The following CCDC144A variants were observed in gnomAD, a reference collection of about 807,000 sequenced individuals.
The protein encoded by CCDC144A is coiled-coil domain containing 144A, also known as coiled-coil domain-containing protein 144A.
Under a neutral mutation model 143.8 loss-of-function variants are expected in CCDC144A, and 41 were observed. The observed-to-expected ratio is 0.29, with a 90% CI of 0.22 to 0.37. The LOEUF is 0.37. CCDC144A is among the 10% of genes least tolerant of loss of function. The pLI is 1.00. For synonymous variants in CCDC144A, 242 were observed against 517.9 expected, an observed-to-expected ratio of 0.47 and a Z score of 7.23; for missense variants, 637 against 1,488.8, an observed-to-expected ratio of 0.43 and a Z score of 9.41.
At chr17:16,739,891 G>C (rs1250059720) in intron 12 of CCDC144A, among the ~76,000 whole-genome samples, 1 of 150,606 alleles carries the variant, frequency 6.6e-6, no homozygotes, top group Non-Finnish European at 1.5e-5. Context: ...TTCACTTTTT[G>C]CTTCTTGAAG....
intron 8 of CCDC144A, among the ~76,000 whole-genome samples, chr17:16,724,564 G>C (rs930019861): frequency 6.6e-6 from 1 of 150,432 alleles, no homozygotes; most frequent in African/African-American, 2.4e-5. Context: ...TGGTCTGTTT[G>C]GTAAGTGCTC....
chr17:16,704,123 T>G (rs1195548944), intron 2 of CCDC144A, among the ~76,000 whole-genome samples: 1 of 152,186 alleles, frequency 6.6e-6, no homozygotes, highest in Non-Finnish European at 1.5e-5. Flanking sequence ...GTTTCACTTA[T>G]GTGTTTTTGG....
In CCDC144A at chr17:16,761,280, GCCGAGAT is replaced by G. The variant is rs914162668; in HGVS notation, c.3373-142_3373-136del. 1.3e-5 allele frequency: 17 copies of G among 1,343,596 alleles called. No homozygotes were observed. The African/African-American group carries it at 2.0e-4, about 16-fold the overall frequency. The allele number at this position is 1,343,596 out of a possible 1,614,324, so 83.2% of individuals were successfully genotyped here. The stretch of plus-strand genomic sequence containing the variant: ...ACCCGGGAGGCAGAGCTTGTAGTGA[GCCGAGAT>G]CCTGTCACTGTACTCCGGCCTGGGC... On this transcript the variant is annotated intron_variant, in intron 12 of 16. Transcript: ENST00000399273.
At chr17:16,718,854 CAG>C in intron 6 of CCDC144A, among the ~76,000 whole-genome samples, 2 of 106,452 alleles carry the variant, frequency 1.9e-5, no homozygotes, top group South Asian at 7.2e-4. Flanking sequence ...TTTTTTGAGA[CAG>C]AGTCTTGCTC....
chr17:16,774,211 AT>A lies in CCDC144A; in HGVS notation c.*582del, dbSNP rs1915927899. 1 of 150,942 alleles carries A rather than the reference AT, an allele frequency of 6.6e-6. No individual in the cohort carries two copies. The highest frequency in any genetic ancestry group is 1.5e-5 in the Non-Finnish European group (1 of 67,928). 9.4% of individuals were successfully genotyped at this position (150,942 alleles called of 1,614,324 possible). On this transcript the variant is annotated 3_prime_UTR_variant, in exon 17 of 17. Coordinates refer to ENST00000399273, the MANE Select transcript of CCDC144A (RefSeq NM_001382000.1). ...TCTTAAAATTGGAGAAAATTTCCAC[AT>A]TTTAGGAAAAACAGCTTTCCCCCTG...
At chr17:16,729,587 C>T (rs1000394287) in intron 9 of CCDC144A, among the ~76,000 whole-genome samples, 5 of 152,108 alleles carry the variant, frequency 3.3e-5, no homozygotes, top group African/African-American at 7.2e-5. Flanking sequence ...CAGAGTTTCA[C>T]TCTTGTTGCC....
At chr17:16,740,874 T>G (rs1337526409) in intron 12 of CCDC144A, among the ~76,000 whole-genome samples, 1 of 152,184 alleles carries the variant, frequency 6.6e-6, no homozygotes, top group Non-Finnish European at 1.5e-5. Flanking sequence ...AAATTATATA[T>G]CTCCTTCCTT....
At position 16,690,611 on chromosome 17, in the gene CCDC144A, C is replaced by A; in HGVS notation, c.211C>A (p.Gln71Lys). Residue 71 changes from glutamine (Q) to lysine (K), a missense_variant, in exon 1 of 17, where the codon CAG becomes AAG. Transcript: ENST00000399273. ...CAAGCACGGTGAGGGCGCCTTAGAC[C>A]AGCCCCAGCACGACGTCCGCCTGGA... ...ESKHGEGALD[Q>K]PQHDVRLEDL... 3 of 1,613,670 alleles carry A rather than the reference C, an allele frequency of 1.9e-6. No homozygotes were observed. Among genetic ancestry groups the A allele is most frequent in the Non-Finnish European group, 2.5e-6 (3 of 1,179,864 alleles).
chr17:16,753,432 T>TTTGTTGTTGTTGTTGTTG lies in CCDC144A; in HGVS notation c.3373-7991_3373-7990insGTTGTTGTTGTTGTTGTT, dbSNP rs1439429855. 4.0e-4 allele frequency among the ~76,000 whole-genome samples: 49 copies of TTTGTTGTTGTTGTTGTTG among 122,900 alleles called. 1 individual carries two copies. The highest frequency in any genetic ancestry group is 2.6e-3 in the South Asian group (10 of 3,798). 80.6% of individuals were successfully genotyped at this position (122,900 alleles called of 152,430 possible). ...TTCTTTTGTCAGTGTTTTGTAGTTT[T>TTTGTTGTTGTTGTTGTTG]TTTTTTTTTTTTTTTTTTTTTTTTG... is the stretch of plus-strand genomic sequence containing the variant. On this transcript the variant is annotated intron_variant, in intron 12 of 16. Coordinates refer to ENST00000399273, the MANE Select transcript of CCDC144A (RefSeq NM_001382000.1).
the CCDC144A span, among the ~76,000 whole-genome samples, chr17:16,674,915 G>A: frequency 6.6e-6 from 1 of 152,102 alleles, no homozygotes; most frequent in Non-Finnish European, 1.5e-5. Context: ...AAGTTATTCA[G>A]TGGAACACAA....
chr17:16,738,608 C>G (rs1179890186), intron 12 of CCDC144A, among the ~76,000 whole-genome samples: 1 of 152,162 alleles, frequency 6.6e-6, no homozygotes, highest in East Asian at 1.9e-4. Flanking sequence ...TGTGTTGTAA[C>G]ATGTATCAAT....
chr17:16,698,181 G>C (rs1239311249), intron 2 of CCDC144A, among the ~76,000 whole-genome samples: 2 of 152,178 alleles, frequency 1.3e-5, no homozygotes, highest in African/African-American at 4.8e-5. Context: ...GCCAGTGACA[G>C]AACCCTGGGC....
chr17:16,724,787 A>ATTTTTT (rs760344292), intron 8 of CCDC144A, among the ~76,000 whole-genome samples: 5 of 35,108 alleles, frequency 1.4e-4, no homozygotes, highest in African/African-American at 2.2e-4. Context: ...GATTAACTGA[A>ATTTTTT]TTTTTTTTTT....
At chr17:16,689,043 C>G (rs1387416765), upstream of CCDC144A, among the ~76,000 whole-genome samples, 4 of 152,084 alleles carry the variant, frequency 2.6e-5, no homozygotes, top group Non-Finnish European at 5.9e-5. Context: ...GCTTCAGTGA[C>G]AAAATCTGTT....
At chr17:16,710,479 C>G (rs866029315) in intron 5 of CCDC144A, 1 of 152,616 alleles carries the variant, frequency 6.6e-6, no homozygotes, top group Non-Finnish European at 1.5e-5. Flanking sequence ...CTGTTTAACT[C>G]AAACTGCTGG....
the CCDC144A span, among the ~76,000 whole-genome samples, chr17:16,678,135 A>G: frequency 1.3e-5 from 2 of 152,216 alleles, no homozygotes; most frequent in South Asian, 4.2e-4. Flanking sequence ...CAAACCATTC[A>G]TAATTTATCC....
At chr17:16,770,505 T>C (rs992325007) in intron 15 of CCDC144A, among the ~76,000 whole-genome samples, 1 of 152,118 alleles carries the variant, frequency 6.6e-6, no homozygotes, top group Non-Finnish European at 1.5e-5. Context: ...GGTGCTGGCA[T>C]AGAATAACTC....
chr17:16,686,469 T>C (rs1200421429), upstream of CCDC144A, among the ~76,000 whole-genome samples: 1 of 151,986 alleles, frequency 6.6e-6, no homozygotes, highest in Non-Finnish European at 1.5e-5. Context: ...TTGTTGCCAG[T>C]GGGTGTGCAT....
chr17:16,746,059 C>T (rs1914488158), intron 12 of CCDC144A: 1 of 1,609,714 alleles, frequency 6.2e-7, no homozygotes, highest in Admixed American at 1.7e-5. Flanking sequence ...TGTGACGTCT[C>T]CTGGGGCTCC....
Sources: allele counts gnomAD v4.1 joint callset (sites outside exome capture counted in the v4.1 genomes callset), GRCh38; gene constraint gnomAD v4.1.1; transcripts MANE v1.5; gene names NCBI Gene and HGNC (gene_info 2026-07-23, HGNC 2026-07-21).